CHST13: variants seen among roughly 807,000 people sequenced by gnomAD.
The protein encoded by CHST13 is C4ST-3.
In CHST13, 1 loss-of-function variant was observed where a neutral mutation model predicts 7.0. The observed-to-expected ratio is 0.14, with a 90% CI of 0.05 to 0.68. The LOEUF is 0.68. CHST13 is among the 30% of genes least tolerant of loss of function. CHST13 has a pLI of 0.82. For missense variants in CHST13, 572 were observed against 507.9 expected, an observed-to-expected ratio of 1.13 and a Z score of -1.21; for synonymous variants, 257 against 240.9, an observed-to-expected ratio of 1.07 and a Z score of -0.62.
chr3:126,526,147 G>A (rs1936533125), intron 1 of CHST13, among the ~76,000 whole-genome samples: 2 of 152,224 alleles, frequency 1.3e-5, no homozygotes, highest in Admixed American at 1.3e-4. Flanking sequence ...GGGCGAGCAA[G>A]AGTTAATCAG....
chr3:126,525,491 G>T (rs9878550), intron 1 of CHST13, among the ~76,000 whole-genome samples: 31,218 of 152,052 alleles, frequency 0.21, 3,828 homozygotes, highest in Admixed American at 0.27. Flanking sequence ...GCCTCCCCAA[G>T]CCCATGGGAT....
Position 126,524,269 on chromosome 3 carries a change from G to C in CHST13, c.-64G>C, listed in dbSNP as rs892604083. ...CTGCGCTGCCGGGGCCGGGTCCTGG[G>C]CCAGTGCAACTCCGCCCCCAGCCGT... On this transcript the variant is annotated 5_prime_UTR_variant, in exon 1 of 3. Coordinates refer to ENST00000319340, the MANE Select transcript of CHST13 (RefSeq NM_152889.3). 2.2e-4 allele frequency: 257 copies of C among 1,186,210 alleles called. No individual in the cohort carries two copies. Among genetic ancestry groups the C allele is most frequent in the Non-Finnish European group, 2.6e-4 (251 of 952,412 alleles). The allele number at this position is 1,186,210 out of a possible 1,614,324, so 73.5% of individuals were successfully genotyped here. A position where few individuals can be genotyped will look rare whatever the true frequency, so the allele number is the denominator to read the frequency against.
chr3:126,542,263 G>T lies in CHST13; in HGVS notation c.711G>T (p.Thr237=), dbSNP rs376899694. The change falls in exon 3 of 3, where the codon ACG becomes ACT. Residue 237 remains threonine (T), a synonymous_variant. Coordinates refer to ENST00000319340, the MANE Select transcript of CHST13 (RefSeq NM_152889.3). ...EFLAYLLDPR[T]RREEPFNEHW... is the part of the protein sequence containing the mutation. ...TGGCCTACCTGCTGGACCCGCGCAC[G>T]CGGCGTGAGGAGCCCTTCAACGAGC... 57 of 1,553,210 alleles carry T rather than the reference G, an allele frequency of 3.7e-5. No individual in the cohort carries two copies. In the Admixed American group the frequency reaches 9.0e-4, roughly 25 times the overall value.
chr3:126,528,274 T>C (rs1936576191), intron 1 of CHST13, among the ~76,000 whole-genome samples: 1 of 152,052 alleles, frequency 6.6e-6, no homozygotes, highest in Non-Finnish European at 1.5e-5. Context: ...TCAGAGGGCA[T>C]CAGTCTTTAA....
intron 2 of CHST13, among the ~76,000 whole-genome samples, chr3:126,539,861 C>A (rs919883889): frequency 0.11 from 125 of 1,170 alleles, 9 homozygotes; most frequent in East Asian, 0.19. Context: ...ACACACACAC[C>A]CCACACCACA....
chr3:126,534,212 A>G (rs1422442908), intron 1 of CHST13, among the ~76,000 whole-genome samples: 2 of 152,238 alleles, frequency 1.3e-5, no homozygotes, highest in East Asian at 3.8e-4. Flanking sequence ...CATATTTCTG[A>G]AAATGGGATC....
At chr3:126,536,046 G>T (rs72982014) in intron 1 of CHST13, among the ~76,000 whole-genome samples, 1 of 152,062 alleles carries the variant, frequency 6.6e-6, no homozygotes, top group Non-Finnish European at 1.5e-5. Context: ...TGGAGGGTAG[G>T]ACATGGGAGC....
At chr3:126,540,157 C>T (rs1249051843) in intron 2 of CHST13, among the ~76,000 whole-genome samples, 1 of 152,080 alleles carries the variant, frequency 6.6e-6, no homozygotes, top group Admixed American at 6.5e-5. Context: ...GGCCCTGGCT[C>T]TGGTGTTCCT....
In CHST13 at chr3:126,541,945, C is replaced by G. The variant is rs1226463896; in HGVS notation, c.393C>G (p.Ala131=). The part of the protein sequence containing the change: ...KRVLLALSGQ[A]RGDPRAISAQ... Reference sequence around the variant, plus strand: ...TGCTGCTGGCGCTGAGCGGCCAAGCCCGCGGCGACCCGCGCGCCATCTCCG... The same window carrying G: ...TGCTGCTGGCGCTGAGCGGCCAAGCGCGCGGCGACCCGCGCGCCATCTCCG... The change falls in exon 3 of 3, where the codon GCC becomes GCG. Residue 131 remains alanine, a synonymous_variant. Coordinates refer to ENST00000319340, the MANE Select transcript of CHST13 (RefSeq NM_152889.3). 1.3e-6 allele frequency: 2 copies of G among 1,586,164 alleles called. No homozygotes were observed. Among genetic ancestry groups the G allele is most frequent in the African/African-American group, 2.7e-5 (2 of 72,840 alleles).
Position 126,542,024 on chromosome 3 carries a change from G to A in CHST13, c.472G>A (p.Ala158Thr), listed in dbSNP as rs868823115. The A allele has an allele frequency of 5.7e-6, 9 of 1,569,228 alleles. No homozygotes were observed. The highest frequency in any genetic ancestry group is 6.9e-6 in the Non-Finnish European group (8 of 1,161,836). ...GCCCTCACTGGCCGACTTCAGCCCC[G>A]CCGAGATCAACCGGCGCCTGCGCGC... is the stretch of plus-strand genomic sequence containing the variant. ...RLPSLADFSP[A>T]EINRRLRAYL... The change falls in exon 3 of 3, where the codon GCC (alanine) becomes ACC (threonine). Residue 158 changes from alanine (A) to threonine (T), a missense_variant. Transcript: ENST00000319340.
intron 1 of CHST13, among the ~76,000 whole-genome samples, chr3:126,531,122 G>A (rs1057099871): frequency 5.9e-5 from 9 of 152,280 alleles, no homozygotes; most frequent in Non-Finnish European, 7.3e-5. Flanking sequence ...CTGCGCTGGC[G>A]CAGCTGGTGT....
intron 2 of CHST13, among the ~76,000 whole-genome samples, chr3:126,539,762 CCACACACACAG>C (rs919167619): frequency 1.3e-4 from 13 of 99,172 alleles, no homozygotes; most frequent in Middle Eastern, 6.8e-3. Context: ...ACACTCCACA[CCACACACACAG>C]CACACACACA....
At position 126,542,470 on chromosome 3, in the gene CHST13, C is replaced by T. The variant is rs116054348; in HGVS notation, c.918C>T (p.Arg306=). The change falls in exon 3 of 3, where the codon CGC becomes CGT. Residue 306 remains arginine (R), a synonymous_variant. Transcript: ENST00000319340. ...GAAASRDLAA[R]LFRDISPFYQ... is the part of the protein sequence containing the mutation. ...CCGCCTCCCGCGACCTGGCAGCGCG[C>T]CTCTTCCGGGACATCAGCCCCTTCT... The T allele has an allele frequency of 1.7e-3, 2,667 of 1,580,204 alleles. 46 individuals carry two copies. The African/African-American group carries it at 0.032, about 19-fold the overall frequency.
chr3:126,536,553 CACCT>C (rs756633493), intron 2 of CHST13, among the ~76,000 whole-genome samples, 200 bp downstream of exon 2: 25 of 152,258 alleles, frequency 1.6e-4, no homozygotes, highest in Non-Finnish European at 3.4e-4. Context: ...AGTCTCTACC[CACCT>C]ATCTTCCCAT....
chr3:126,526,021 C>T (rs1002102180), intron 1 of CHST13, among the ~76,000 whole-genome samples: 1 of 152,210 alleles, frequency 6.6e-6, no homozygotes, highest in Non-Finnish European at 1.5e-5. Context: ...CCTGGCCTGT[C>T]CTGCTCTTGG....
chr3:126,524,323 C>T lies in CHST13; in HGVS notation c.-10C>T. 8.1e-7 allele frequency: 1 copy of T among 1,234,454 alleles called. No homozygotes were observed. Among genetic ancestry groups the T allele is most frequent in the Non-Finnish European group, 1.0e-6 (1 of 989,488 alleles). The allele number at this position is 1,234,454 out of a possible 1,614,324, so 76.5% of individuals were successfully genotyped here. A position where few individuals can be genotyped will look rare whatever the true frequency, so the allele number is the denominator to read the frequency against. ...CAGCGGACTGTCCTCCGCCGCGCGC[C>T]CGGCACAGCATGGGGAGGCGCTGCT... On this transcript the variant is annotated 5_prime_UTR_variant, in exon 1 of 3. Coordinates refer to ENST00000319340, the MANE Select transcript of CHST13 (RefSeq NM_152889.3).
chr3:126,535,680 C>G (rs1321532740), intron 1 of CHST13, among the ~76,000 whole-genome samples: 1 of 152,278 alleles, frequency 6.6e-6, no homozygotes, highest in African/African-American at 2.4e-5. Context: ...CAGACAGCAT[C>G]CCTCTTCTCA....
At chr3:126,533,794 T>C (rs1425162647) in intron 1 of CHST13, among the ~76,000 whole-genome samples, 1 of 152,198 alleles carries the variant, frequency 6.6e-6, no homozygotes, top group Non-Finnish European at 1.5e-5. Flanking sequence ...TATGAAAGAT[T>C]GGTGTTAATT....
At chr3:126,526,250 G>C (rs1463297617) in intron 1 of CHST13, among the ~76,000 whole-genome samples, 1 of 152,232 alleles carries the variant, frequency 6.6e-6, no homozygotes, top group African/African-American at 2.4e-5. Context: ...CCTGCAGGTG[G>C]CACACAGGGA....
Sources: gnomAD v4.1 joint callset for allele counts (sites outside exome capture counted in the v4.1 genomes callset) on GRCh38, gnomAD v4.1.1 for gene constraint, MANE v1.5 for transcripts, NCBI Gene and HGNC (gene_info 2026-07-23, HGNC 2026-07-21) for gene names.